GXYLT1: variants seen among roughly 807,000 people sequenced by gnomAD.
GXYLT1 encodes glycosyltransferase 8 domain containing 3.
A neutral mutation model predicts 54.0 loss-of-function variants in GXYLT1; 29 were observed. The observed-to-expected ratio is 0.54, with a 90% CI of 0.40 to 0.73. The LOEUF is 0.73. GXYLT1 is among the 30% of genes least tolerant of loss of function. The pLI is 0.00. For synonymous variants in GXYLT1, 176 were observed against 204.1 expected (o/e 0.86, Z 1.17); for missense variants, 490 against 553.4 (o/e 0.89, Z 1.15).
At position 42,082,120 on chromosome 12, in the gene GXYLT1, A is replaced by C. The variant is rs1477935576; in HGVS notation, c.*5666T>G. ...TCTCTACATACCACAGTATACAATG[A>C]TGCCTTCCTGCAGGTTTAGAACTAT... On this transcript the variant is annotated 3_prime_UTR_variant, in exon 8 of 8. Transcript: ENST00000398675. 1 of 152,248 alleles carries C rather than the reference A, an allele frequency of 6.6e-6. No individual in the cohort carries two copies. Among genetic ancestry groups the C allele is most frequent in the African/African-American group, 2.4e-5 (1 of 41,470 alleles). The allele number at this position is 152,248 out of a possible 1,614,324, so 9.4% of individuals were successfully genotyped here.
At chr12:42,113,340 T>G (rs551030934) in intron 3 of GXYLT1, among the ~76,000 whole-genome samples, 3 of 150,918 alleles carry the variant, frequency 2.0e-5, no homozygotes, top group African/African-American at 7.4e-5. Flanking sequence ...GACTGGCAAA[T>G]TGGATAAAGA....
intron 1 of GXYLT1, among the ~76,000 whole-genome samples, chr12:42,132,507 C>A (rs2065598631): frequency 6.6e-6 from 1 of 152,198 alleles, no homozygotes; most frequent in Non-Finnish European, 1.5e-5. Context: ...AAACAAATTA[C>A]CCACCACTAT....
intron 3 of GXYLT1, among the ~76,000 whole-genome samples, chr12:42,112,236 G>A (rs990265189): frequency 2.0e-5 from 3 of 152,210 alleles, no homozygotes; most frequent in African/African-American, 7.2e-5. Context: ...AAAGCAGAGT[G>A]CCTCTCCTCC....
At chr12:42,092,316 T>A (rs1461041427) in intron 7 of GXYLT1, among the ~76,000 whole-genome samples, 1 of 152,228 alleles carries the variant, frequency 6.6e-6, no homozygotes, top group South Asian at 2.1e-4. Flanking sequence ...AACAGTGTAG[T>A]AGAACAGACA....
intron 2 of GXYLT1, 74 bp downstream of exon 2, chr12:42,129,685 C>G: frequency 1.2e-6 from 1 of 833,370 alleles, no homozygotes; most frequent in South Asian, 1.6e-5. Flanking sequence ...TTCTTACATC[C>G]TATTACAAAG....
Position 42,129,774 on chromosome 12 carries a change from CA to C in GXYLT1, c.298del (p.Trp100GlyfsTer9). 15 of 1,613,256 alleles carry C rather than the reference CA, an allele frequency of 9.3e-6. No homozygotes were observed. The highest frequency in any genetic ancestry group is 1.3e-5 in the Non-Finnish European group (15 of 1,179,468). ...PSDVCGMNCF[W>X]EAAFRYSLKI... ...AAGTGCCTACCTAAAAGCCGCTTCC[CA>C]AAAGCAGTTCATTCCACAAACATCA... On this transcript the variant is annotated frameshift_variant, in exon 2 of 8. Transcript: ENST00000398675. LOFTEE classifies it high-confidence loss of function.
intron 1 of GXYLT1, among the ~76,000 whole-genome samples, chr12:42,138,635 C>T (rs2065634783): frequency 6.6e-6 from 1 of 152,166 alleles, no homozygotes; most frequent in Non-Finnish European, 1.5e-5. Context: ...AAATCATAAA[C>T]CTCATACAGT....
Position 42,144,683 on chromosome 12 carries a change from C to CCGCCGCCGCCGA in GXYLT1, c.-38_-37insTCGGCGGCGGCG. 7.3e-7 allele frequency: 1 copy of CCGCCGCCGCCGA among 1,372,572 alleles called. No individual in the cohort carries two copies. The highest frequency in any genetic ancestry group is 9.5e-7 in the Non-Finnish European group (1 of 1,053,446). The allele number at this position is 1,372,572 out of a possible 1,614,324, so 85.0% of individuals were successfully genotyped here. ...CGCTCCTCCTTCGCCGCCGCCGCCG[C>CCGCCGCCGCCGA]GCCCGCCCCGACGAACTGGAGCGGA... On this transcript the variant is annotated 5_prime_UTR_variant, in exon 1 of 8. Transcript: ENST00000398675.
chr12:42,142,221 G>A (rs1258833993), intron 1 of GXYLT1, among the ~76,000 whole-genome samples: 2 of 152,096 alleles, frequency 1.3e-5, no homozygotes, highest in African/African-American at 4.8e-5. Context: ...AACACTCCAA[G>A]GATACAGTTT....
Position 42,144,670 on chromosome 12 carries a change from G to C in GXYLT1, c.-24C>G, listed in dbSNP as rs761829485. On this transcript the variant is annotated 5_prime_UTR_variant, in exon 1 of 8. Transcript: ENST00000398675. ...ATCGCCCCGGCCGCGCTCCTCCTTC[G>C]CCGCCGCCGCCGCGCCCGCCCCGAC... 2.2e-6 allele frequency: 3 copies of C among 1,338,220 alleles called. No individual in the cohort carries two copies. Among genetic ancestry groups the C allele is most frequent in the South Asian group, 1.6e-5 (1 of 62,364 alleles). The allele number at this position is 1,338,220 out of a possible 1,614,324, so 82.9% of individuals were successfully genotyped here. A position where few individuals can be genotyped will look rare whatever the true frequency, so the allele number is the denominator to read the frequency against.
At chr12:42,103,060 A>G (rs1336789920) in intron 5 of GXYLT1, among the ~76,000 whole-genome samples, 1 of 151,942 alleles carries the variant, frequency 6.6e-6, no homozygotes, top group East Asian at 1.9e-4. Context: ...TCCCTGGTTC[A>G]AGCAATTCTG....
chr12:42,133,170 C>A (rs1032659060), intron 1 of GXYLT1, among the ~76,000 whole-genome samples: 1 of 151,994 alleles, frequency 6.6e-6, no homozygotes, highest in African/African-American at 2.4e-5. Flanking sequence ...CCCAGCTACT[C>A]AGGAGGCTGA....
chr12:42,142,457 C>T (rs1313443836), intron 1 of GXYLT1, among the ~76,000 whole-genome samples: 1 of 152,042 alleles, frequency 6.6e-6, no homozygotes, highest in Non-Finnish European at 1.5e-5. Context: ...CCACCTTAGC[C>T]TCCCAAAGTG....
chr12:42,113,399 G>C (rs2065471649), intron 3 of GXYLT1, among the ~76,000 whole-genome samples: 1 of 150,992 alleles, frequency 6.6e-6, no homozygotes, highest in Non-Finnish European at 1.5e-5. Context: ...CTCACGGGCA[G>C]AGACACACAT....
At chr12:42,106,309 T>C (rs556207360) in intron 4 of GXYLT1, among the ~76,000 whole-genome samples, 3 of 152,286 alleles carry the variant, frequency 2.0e-5, no homozygotes, top group Non-Finnish European at 1.5e-5. Context: ...TACTCAATTA[T>C]AAAAATTGAG....
intron 2 of GXYLT1, among the ~76,000 whole-genome samples, chr12:42,127,764 C>A (rs60327465): frequency 0.011 from 1,697 of 152,266 alleles, 29 homozygotes; most frequent in African/African-American, 0.038. Flanking sequence ...CTTGTCAATA[C>A]TATATTCATT....
At chr12:42,118,964 C>T in intron 3 of GXYLT1, 36 bp downstream of exon 3, 2 of 1,441,044 alleles carry the variant, frequency 1.4e-6, no homozygotes, top group Non-Finnish European at 1.9e-6. Flanking sequence ...ATTAAATATT[C>T]AACTCTACAA....
At chr12:42,094,067 A>AG (rs1555138698) in intron 7 of GXYLT1, among the ~76,000 whole-genome samples, 13 of 150,672 alleles carry the variant, frequency 8.6e-5, no homozygotes, top group Admixed American at 2.6e-4. Flanking sequence ...AAAAAAAAAA[A>AG]GGGGGGTGTT....
At chr12:42,104,703 A>G (rs907251989) in intron 5 of GXYLT1, among the ~76,000 whole-genome samples, 32 of 152,222 alleles carry the variant, frequency 2.1e-4, no homozygotes, top group Non-Finnish European at 4.0e-4. Flanking sequence ...AAACAGTTCC[A>G]AATGAGGAAA....
Sources: gnomAD v4.1 joint callset for allele counts (sites outside exome capture counted in the v4.1 genomes callset) on GRCh38, gnomAD v4.1.1 for gene constraint, MANE v1.5 for transcripts, NCBI Gene and HGNC (gene_info 2026-07-23, HGNC 2026-07-21) for gene names.